The following RBFOX1 variants were observed in gnomAD, a reference collection of about 807,000 sequenced individuals.
RBFOX1 encodes RNA binding fox-1 homolog 1.
Under a neutral mutation model 57.7 loss-of-function variants are expected in RBFOX1, and 8 were observed. That is an observed-to-expected ratio of 0.14 (90% confidence interval 0.08 to 0.25). RBFOX1 has a LOEUF of 0.25. Among genes scored for constraint, RBFOX1 ranks in the 10% least tolerant of loss-of-function variants. The pLI is 1.00. For missense variants in RBFOX1, 611 were observed against 548.5 expected (o/e 1.11, Z -1.14); for synonymous variants, 326 against 222.4 (o/e 1.47, Z -4.15).
chr16:7,219,729 G>T (rs1437371350), intron 4 of RBFOX1, among the ~76,000 whole-genome samples: 1 of 152,184 alleles, frequency 6.6e-6, no homozygotes, highest in Non-Finnish European at 1.5e-5. Flanking sequence ...GAATCTTTAA[G>T]AGTGGTATTG....
chr16:5,514,133 G>A (rs2043703239), intron 2 of RBFOX1, among the ~76,000 whole-genome samples: 1 of 152,110 alleles, frequency 6.6e-6, no homozygotes, highest in Admixed American at 6.6e-5. Flanking sequence ...AAAACTTTAT[G>A]GTTCCAAGCA....
At chr16:7,555,573 CA>C (rs1474687517) in intron 5 of RBFOX1, among the ~76,000 whole-genome samples, 1 of 152,160 alleles carries the variant, frequency 6.6e-6, no homozygotes, top group Non-Finnish European at 1.5e-5. Context: ...GAGCAGACTA[CA>C]AAGACCTGCG....
At chr16:6,657,342 G>C (rs2098666267) in intron 3 of RBFOX1, among the ~76,000 whole-genome samples, 1 of 152,092 alleles carries the variant, frequency 6.6e-6, no homozygotes. Context: ...TTAGGAGCTT[G>C]CTTTATATAT....
intron 4 of RBFOX1, among the ~76,000 whole-genome samples, chr16:7,476,308 A>G (rs538817642): frequency 1.8e-4 from 27 of 152,290 alleles, no homozygotes; most frequent in Admixed American, 4.6e-4. Flanking sequence ...TACCCTCACA[A>G]TTACAAGCTG....
At chr16:6,507,994 A>G (rs781234019) in intron 2 of RBFOX1, among the ~76,000 whole-genome samples, 1 of 152,218 alleles carries the variant, frequency 6.6e-6, no homozygotes, top group African/African-American at 2.4e-5. Flanking sequence ...CTGGATAAAG[A>G]AAATGTGGTA....
At chr16:5,767,014 G>A (rs1048719645) in intron 3 of RBFOX1, among the ~76,000 whole-genome samples, 1 of 152,096 alleles carries the variant, frequency 6.6e-6, no homozygotes. Context: ...TTTGCTTCTG[G>A]GTGTTGTGGT....
chr16:7,455,126 A>G (rs540234461), intron 4 of RBFOX1, among the ~76,000 whole-genome samples: 23 of 152,304 alleles, frequency 1.5e-4, no homozygotes, highest in Admixed American at 3.3e-4. Context: ...GAAGCCTCAG[A>G]TTGCATCTGG....
chr16:6,296,118 G>A (rs1260438108), intron 1 of RBFOX1, among the ~76,000 whole-genome samples: 2 of 152,158 alleles, frequency 1.3e-5, no homozygotes, highest in African/African-American at 2.4e-5. Flanking sequence ...CGAGCATTTT[G>A]CTACATGCCT....
intron 1 of RBFOX1, among the ~76,000 whole-genome samples, chr16:6,152,981 C>T (rs991102185): frequency 6.6e-6 from 1 of 150,818 alleles, no homozygotes; most frequent in South Asian, 2.1e-4. Flanking sequence ...AGGCCTTTTT[C>T]CTGTTTTATG....
chr16:7,378,821 C>G (rs1303796144), intron 4 of RBFOX1, among the ~76,000 whole-genome samples: 1 of 152,176 alleles, frequency 6.6e-6, no homozygotes, highest in African/African-American at 2.4e-5. Context: ...CTTGGCCATT[C>G]CTCTTGCAGG....
chr16:6,770,532 G>T (rs1437310033), intron 3 of RBFOX1, among the ~76,000 whole-genome samples: 2 of 152,110 alleles, frequency 1.3e-5, no homozygotes, highest in South Asian at 4.2e-4. Context: ...TTTTCTTTCT[G>T]CCCCTTTACG....
chr16:7,291,951 A>G (rs1196729268), intron 4 of RBFOX1, among the ~76,000 whole-genome samples: 5 of 104,756 alleles, frequency 4.8e-5, no homozygotes, highest in African/African-American at 1.1e-4. Flanking sequence ...TATATTATGT[A>G]TATAATATAT....
intron 14 of RBFOX1, among the ~76,000 whole-genome samples, chr16:7,683,264 T>C (rs917833213): frequency 2.7e-5 from 4 of 150,852 alleles, no homozygotes; most frequent in East Asian, 2.0e-4. Context: ...AGAAGTAATA[T>C]GGCTGTAACT....
At chr16:7,080,758 T>C (rs114985183) in intron 4 of RBFOX1, among the ~76,000 whole-genome samples, 1,527 of 152,288 alleles carry the variant, frequency 0.01, 29 homozygotes, top group African/African-American at 0.035. Context: ...CCATCTCTCC[T>C]CTTGCAAGGT....
chr16:6,638,962 C>G (rs1274465565), intron 2 of RBFOX1, among the ~76,000 whole-genome samples: 1 of 152,068 alleles, frequency 6.6e-6, no homozygotes, highest in Non-Finnish European at 1.5e-5. Context: ...ATATTGCTTC[C>G]CAAGAAACTG....
In RBFOX1 at chr16:6,341,937, G is replaced by A. The variant is rs375488171; in HGVS notation, c.-64+24880G>A. ...TGGATCATTCAGAATAATTTCTTGC[G>A]TAAGGTCAACTGATTAGCAACCTTA... On this transcript the variant is annotated intron_variant, in intron 2 of 15. Transcript: ENST00000550418. Among the ~76,000 whole-genome samples, 16 of 152,262 alleles carry A rather than the reference G, an allele frequency of 1.1e-4. 1 individual carries two copies. Among genetic ancestry groups the A allele is most frequent in the South Asian group, 4.1e-4 (2 of 4,824 alleles).
chr16:5,946,730 C>G lies in RBFOX1; in HGVS notation c.351+79395C>G, dbSNP rs796675849. Among the ~76,000 whole-genome samples the G allele has an allele frequency of 4.2e-4, 64 of 152,258 alleles. No individual in the cohort carries two copies. The highest frequency in any genetic ancestry group is 1.5e-3 in the African/African-American group (63 of 41,552). On this transcript the variant is annotated intron_variant, in intron 4 of 19. Coordinates refer to the RBFOX1 transcript ENST00000641259. The surrounding 1 kb of genome is among the most constrained non-coding windows in gnomAD (Gnocchi z 4.6). Reference sequence around the variant, plus strand: ...AGTACAGGCTTGCTCTGAAGTGGGGCCAGTCTTGTGGGACTGGGCCCTCAA... The same window carrying G: ...AGTACAGGCTTGCTCTGAAGTGGGGGCAGTCTTGTGGGACTGGGCCCTCAA...
intron 1 of RBFOX1, among the ~76,000 whole-genome samples, chr16:5,392,572 C>T (rs1451073438): frequency 6.7e-6 from 1 of 148,900 alleles, no homozygotes. Flanking sequence ...AGGGTCTCAT[C>T]GTGTCACCCA....
At chr16:6,020,274 G>C (rs1449026863) in intron 1 of RBFOX1, among the ~76,000 whole-genome samples, 1 of 152,040 alleles carries the variant, frequency 6.6e-6, no homozygotes, top group African/African-American at 2.4e-5. Context: ...AGGCTACCTC[G>C]TCCGTCCTCC....
Sources: allele counts gnomAD v4.1 joint callset (sites outside exome capture counted in the v4.1 genomes callset), GRCh38; gene constraint gnomAD v4.1.1; non-coding constraint Gnocchi (gnomAD v3.1); transcripts MANE v1.5; gene names NCBI Gene and HGNC (gene_info 2026-07-23, HGNC 2026-07-21).